The following ZNF565 variants were observed in gnomAD, a reference collection of about 807,000 sequenced individuals.
The protein encoded by ZNF565 is zinc finger protein 565.
Under a neutral mutation model 39.4 loss-of-function variants are expected in ZNF565, and 27 were observed. That is an observed-to-expected ratio of 0.69 (90% CI 0.51 to 0.95). The LOEUF (loss-of-function observed/expected upper bound fraction) is 0.95, where lower values mean the gene tolerates loss of function less well. ZNF565 is among the 40% of genes least tolerant of loss of function. The probability of loss-of-function intolerance (pLI) is 0.00; values close to 1 mark genes in which losing one functional copy is unlikely to be tolerated. For synonymous variants in ZNF565, 185 were observed against 216.6 expected, an observed-to-expected ratio of 0.85 and a Z score of 1.28; for missense variants, 524 against 621.1, an observed-to-expected ratio of 0.84 and a Z score of 1.66.
chr19:36,213,689 ATTTT>A (rs34943234), intron 1 of ZNF565, among the ~76,000 whole-genome samples: 1 of 133,284 alleles, frequency 7.5e-6, no homozygotes. Context: ...CCAGCCATTA[ATTTT>A]TTTTTTTTTT....
chr19:36,205,833 T>C (rs988840510), intron 1 of ZNF565, among the ~76,000 whole-genome samples: 1 of 152,104 alleles, frequency 6.6e-6, no homozygotes, highest in Non-Finnish European at 1.5e-5. Flanking sequence ...CTGACACATA[T>C]GGAGGCAGAG....
chr19:36,183,619 C>G lies in ZNF565; in HGVS notation c.347G>C (p.Arg116Thr), dbSNP rs1405370453. 2 of 1,614,166 alleles carry G rather than the reference C, an allele frequency of 1.2e-6. No homozygotes were observed. The highest frequency in any genetic ancestry group is 3.3e-5 in the Admixed American group (2 of 59,990). Residue 116 changes from arginine to threonine, a missense_variant, in exon 5 of 5, where the codon AGA (arginine) becomes ACA (threonine). By Grantham distance (71) the Arg-to-Thr change is moderately conservative. Transcript: ENST00000304116. The part of the protein sequence containing the change: ...KCSDLEGSDF[R>T]ADWECEGQFE... Reference sequence around the variant, plus strand: ...CTGGCCTTCGCATTCCCAGTCAGCTCTAAAATCGGAGCCCTCCAGGTCACT... The same window carrying G: ...CTGGCCTTCGCATTCCCAGTCAGCTGTAAAATCGGAGCCCTCCAGGTCACT...
chr19:36,237,185 TTC>T, intron 1 of ZNF565: 1 of 1,614,160 alleles, frequency 6.2e-7, no homozygotes, highest in Non-Finnish European at 8.5e-7. Context: ...TGGGAAAGCT[TTC>T]TCTCAGTTCT....
chr19:36,193,431 TTTC>T (rs968389287), intron 4 of ZNF565, among the ~76,000 whole-genome samples: 7 of 150,854 alleles, frequency 4.6e-5, no homozygotes, highest in African/African-American at 1.7e-4. Context: ...AAAATAAGTT[TTTC>T]TTTTTTCTTT....
At chr19:36,241,355 G>C (rs563068198) in intron 1 of ZNF565, among the ~76,000 whole-genome samples, 1 of 151,722 alleles carries the variant, frequency 6.6e-6, no homozygotes, top group African/African-American at 2.4e-5. Context: ...GTGGTAGCGG[G>C]GGCCAGTAAT....
At chr19:36,191,886 C>A (rs1975559171) in intron 4 of ZNF565, among the ~76,000 whole-genome samples, 2 of 152,068 alleles carry the variant, frequency 1.3e-5, no homozygotes, top group Admixed American at 1.3e-4. Context: ...AAAAGCAGCA[C>A]ATTTGCCTAG....
In ZNF565 at chr19:36,226,382, A is replaced by G. The variant is rs145341611; in HGVS notation, c.55+19094T>C. ...GGAATTGGGTGATCAAGCTTTTTCA[A>G]CATACATAGTGGATGGGGGGTATAT... is the stretch of plus-strand genomic sequence containing the variant. On this transcript the variant is annotated intron_variant, in intron 1 of 4. Transcript: ENST00000355114. Among the ~76,000 whole-genome samples, 136 of 152,300 alleles carry G rather than the reference A, an allele frequency of 8.9e-4. No individual in the cohort carries two copies. In the East Asian group the frequency reaches 0.018, roughly 20 times the overall value.
chr19:36,216,318 G>C (rs1482014780), upstream of ZNF565, among the ~76,000 whole-genome samples: 1 of 152,096 alleles, frequency 6.6e-6, no homozygotes, highest in East Asian at 1.9e-4. Context: ...ATTAAGAAGT[G>C]TGCGCAAACT....
In ZNF565 at chr19:36,214,411, C is replaced by T. The variant is rs73931510; in HGVS notation, c.-66+211G>A. On this transcript the variant is annotated intron_variant, in intron 1 of 4. Transcript: ENST00000304116. Reference sequence around the variant, plus strand: ...CCCCGGTCACAAGGACCCTGCACCCCGATACTCTCTATCACACATGGTTAC... The same window carrying T: ...CCCCGGTCACAAGGACCCTGCACCCTGATACTCTCTATCACACATGGTTAC... 5.2e-3 allele frequency among the ~76,000 whole-genome samples: 792 copies of T among 152,272 alleles called. 7 individuals carry two copies. Among genetic ancestry groups the T allele is most frequent in the African/African-American group, 0.018 (758 of 41,552 alleles).
At chr19:36,236,991 A>G in intron 1 of ZNF565, 1 of 1,614,162 alleles carries the variant, frequency 6.2e-7, no homozygotes, top group Non-Finnish European at 8.5e-7. Context: ...GAGAAACCCT[A>G]TGAATGTAAC....
At chr19:36,224,254 A>G (rs1271034047) in intron 1 of ZNF565, among the ~76,000 whole-genome samples, 6 of 152,184 alleles carry the variant, frequency 3.9e-5, no homozygotes, top group Non-Finnish European at 4.4e-5. Context: ...GTGGTGGCAC[A>G]TGCCTGAATC....
chr19:36,232,602 CTTTTTTCTTTTTTT>C (rs1265433008), intron 1 of ZNF565, among the ~76,000 whole-genome samples: 1 of 137,490 alleles, frequency 7.3e-6, no homozygotes, highest in Non-Finnish European at 1.6e-5. Flanking sequence ...GTTCTTTTTT[CTTTTTTCTTTTTTT>C]TTTTTTTCCC....
In ZNF565 at chr19:36,194,227, G is replaced by A. The variant is rs769422884; in HGVS notation, c.232+6C>T. 40 of 1,607,542 alleles carry A rather than the reference G, an allele frequency of 2.5e-5. No individual in the cohort carries two copies. Among genetic ancestry groups the A allele is most frequent in the African/African-American group, 1.9e-4 (14 of 74,796 alleles). On this transcript the variant is annotated splice_donor_region_variant and intron_variant, in intron 4 of 4. Coordinates refer to ENST00000304116, the MANE Select transcript of ZNF565 (RefSeq NM_152477.5). ...CCTTCCCCTGTCGAAATCGGCCCTC[G>A]CTTACCTGGGCACCATGGTCCTGTC...
intron 1 of ZNF565, among the ~76,000 whole-genome samples, chr19:36,208,356 C>T (rs990875676): frequency 8.6e-5 from 13 of 151,938 alleles, no homozygotes; most frequent in Non-Finnish European, 1.9e-4. Flanking sequence ...CATGCCACTA[C>T]ACCTGGCTAA....
chr19:36,193,317 C>T (rs879680895), intron 4 of ZNF565, among the ~76,000 whole-genome samples: 3 of 151,758 alleles, frequency 2.0e-5, no homozygotes, highest in Non-Finnish European at 4.4e-5. Flanking sequence ...GGGGCTTCAC[C>T]GTGTTGGCCA....
intron 1 of ZNF565, among the ~76,000 whole-genome samples, chr19:36,224,800 C>T (rs1977000165): frequency 3.9e-5 from 6 of 151,936 alleles, no homozygotes; most frequent in Admixed American, 1.3e-4. Flanking sequence ...GTACGTGATA[C>T]GTATTCTCGT....
intron 1 of ZNF565, among the ~76,000 whole-genome samples, chr19:36,225,013 G>A (rs1216344942): frequency 6.6e-6 from 1 of 152,194 alleles, no homozygotes; most frequent in Non-Finnish European, 1.5e-5. Context: ...AATTGAGGCA[G>A]TAGGCATCCT....
intron 1 of ZNF565, among the ~76,000 whole-genome samples, chr19:36,212,686 T>C (rs1244390614): frequency 6.6e-6 from 1 of 150,946 alleles, no homozygotes; most frequent in Non-Finnish European, 1.5e-5. Context: ...AAATTCAAAA[T>C]GAAAAGTAAA....
chr19:36,235,125 C>T (rs1028737262), intron 1 of ZNF565, among the ~76,000 whole-genome samples: 2 of 151,678 alleles, frequency 1.3e-5, no homozygotes, highest in African/African-American at 4.8e-5. Flanking sequence ...TAGAGAATTG[C>T]TTGAACCCAG....
Sources: gnomAD v4.1 joint callset for allele counts (sites outside exome capture counted in the v4.1 genomes callset) on GRCh38, gnomAD v4.1.1 for gene constraint, MANE v1.5 for transcripts, NCBI Gene and HGNC (gene_info 2026-07-23, HGNC 2026-07-21) for gene names.